Variants in ME2 observed in about 807,000 individuals in gnomAD.
The protein encoded by ME2 is NAD-dependent malic enzyme, mitochondrial.
ME2 carries 60 observed loss-of-function variants against 73.7 expected under a neutral mutation model. The observed-to-expected ratio is 0.81, with a 90% CI of 0.66 to 1.01. ME2 has a LOEUF of 1.01. Ranked by LOEUF, ME2 falls within the 50% of genes least tolerant of loss-of-function variation. The probability of loss-of-function intolerance (pLI) is 0.00; values close to 1 mark genes in which losing one functional copy is unlikely to be tolerated. For synonymous variants in ME2, 199 were observed against 236.9 expected, an observed-to-expected ratio of 0.84 and a Z score of 1.47; for missense variants, 594 against 705.5, an observed-to-expected ratio of 0.84 and a Z score of 1.79.
chr18:50,920,820 C>A, intron 9 of ME2, 62 bp downstream of exon 9: 1 of 1,272,220 alleles, frequency 7.9e-7, no homozygotes, highest in Non-Finnish European at 1.1e-6. Flanking sequence ...AGAAAATGGG[C>A]AGAATATTGA....
At chr18:50,880,499 C>T (rs1916292127) in intron 1 of ME2, among the ~76,000 whole-genome samples, 1 of 152,216 alleles carries the variant, frequency 6.6e-6, no homozygotes, top group African/African-American at 2.4e-5. Flanking sequence ...TAAAAACATA[C>T]ATATAGGCCG....
chr18:50,884,552 T>TG (rs1296002163), intron 1 of ME2, among the ~76,000 whole-genome samples: 3 of 152,188 alleles, frequency 2.0e-5, no homozygotes, highest in Admixed American at 6.5e-5. Flanking sequence ...TTCACCATGT[T>TG]GATCAGGATA....
rs758562749 is a variant in ME2, at chr18:50,947,083, T to C, written c.1654T>C (p.Tyr552His). The C allele has an allele frequency of 1.2e-6, 2 of 1,614,028 alleles. No homozygotes were observed. Among genetic ancestry groups the C allele is most frequent in the Middle Eastern group, 1.7e-4 (1 of 6,054 alleles). The change falls in exon 16 of 16, where the codon TAT becomes CAT. Residue 552 changes from tyrosine (Y) to histidine (H), a missense_variant. Coordinates refer to ENST00000321341, the MANE Select transcript of ME2 (RefSeq NM_002396.5). ...CCCAGAACCTGAAGACAAGGCCAAA[T>C]ATGTTAAAGAAAGAACATGGCGGAG... ...RYPEPEDKAK[Y>H]VKERTWRSEY... is the part of the protein sequence containing the mutation.
intron 13 of ME2, among the ~76,000 whole-genome samples, chr18:50,936,232 G>A (rs1229576054): frequency 6.6e-6 from 1 of 152,070 alleles, no homozygotes; most frequent in Non-Finnish European, 1.5e-5. Context: ...GTTGCTTATG[G>A]GAAATACTTG....
At position 50,920,500 on chromosome 18, in the gene ME2, A is replaced by G. The variant is rs1490553482; in HGVS notation, c.779A>G (p.His260Arg). ...TLIQFEDFGN[H>R]NAFRFLRKYR... ...ATTCAGTTCGAAGACTTTGGAAATC[A>G]TAATGCATTCAGGTTCTTGAGAAAG... The change falls in exon 8 of 16, where the codon CAT (histidine) becomes CGT (arginine). Residue 260 changes from histidine (H) to arginine (R), a missense_variant. Coordinates refer to ENST00000321341, the MANE Select transcript of ME2 (RefSeq NM_002396.5). The G allele has an allele frequency of 1.2e-6, 2 of 1,601,536 alleles. No individual in the cohort carries two copies. The highest frequency in any genetic ancestry group is 1.7e-6 in the Non-Finnish European group (2 of 1,177,398).
In ME2 at chr18:50,950,467, C is replaced by CCTTTTTTTTTTTTTTTTTT. The variant is rs1320031263; in HGVS notation, c.*3283_*3284insCTTTTTTTTTTTTTTTTTT. On this transcript the variant is annotated 3_prime_UTR_variant, in exon 16 of 16. Coordinates refer to ENST00000321341, the MANE Select transcript of ME2 (RefSeq NM_002396.5). ...GCCTGGGGTGGGGCCTCAGATTCTG[C>CCTTTTTTTTTTTTTTTTTT]TTTTTTTTTTTTTTTTTTTTTTTTT... The CCTTTTTTTTTTTTTTTTTT allele has an allele frequency of 1.6e-3, 73 of 45,088 alleles. 7 individuals carry two copies. The highest frequency in any genetic ancestry group is 6.3e-3 in the African/African-American group (71 of 11,298). 2.8% of individuals were successfully genotyped at this position (45,088 alleles called of 1,614,324 possible). A position where few individuals can be genotyped will look rare whatever the true frequency, so the allele number is the denominator to read the frequency against.
At chr18:50,930,344 G>T (rs1161002720) in intron 12 of ME2, among the ~76,000 whole-genome samples, 2 of 152,130 alleles carry the variant, frequency 1.3e-5, no homozygotes, top group African/African-American at 4.8e-5. Flanking sequence ...TAATGGCATA[G>T]AATTTTGACT....
chr18:50,950,045 T>C lies in ME2; in HGVS notation c.*2861T>C, dbSNP rs1255544321. Reference sequence around the variant, plus strand: ...GCAATAGAGAATCTTTTATTTTGAATTGAGAAGAAATTCTGATGATTAGAG... The same window carrying C: ...GCAATAGAGAATCTTTTATTTTGAACTGAGAAGAAATTCTGATGATTAGAG... On this transcript the variant is annotated 3_prime_UTR_variant, in exon 16 of 16. Coordinates refer to ENST00000321341, the MANE Select transcript of ME2 (RefSeq NM_002396.5). 2 of 152,178 alleles carry C rather than the reference T, an allele frequency of 1.3e-5. No individual in the cohort carries two copies. The highest frequency in any genetic ancestry group is 2.9e-5 in the Non-Finnish European group (2 of 68,032). 9.4% of individuals were successfully genotyped at this position (152,178 alleles called of 1,614,324 possible).
intron 1 of ME2, among the ~76,000 whole-genome samples, chr18:50,889,434 G>T (rs566314168): frequency 3.1e-4 from 47 of 152,296 alleles, no homozygotes; most frequent in African/African-American, 1.1e-3. Context: ...TGTCCAGAGA[G>T]GGCATGGAAA....
At chr18:50,910,268 C>CA (rs74176794) in intron 3 of ME2, among the ~76,000 whole-genome samples, 12,434 of 35,480 alleles carry the variant, frequency 0.35, 2,620 homozygotes, top group Non-Finnish European at 0.42. Flanking sequence ...CCTGTTTCTA[C>CA]AAAAAAAAAA....
intron 1 of ME2, among the ~76,000 whole-genome samples, chr18:50,884,102 C>A (rs1916396135): frequency 1.3e-5 from 2 of 151,980 alleles, no homozygotes; most frequent in South Asian, 4.2e-4. Context: ...CCAATTTCGG[C>A]AAAGATTGTT....
chr18:50,920,371 G>T (rs372921465), intron 7 of ME2, 85 bp from the exon 8 acceptor site: 8 of 931,714 alleles, frequency 8.6e-6, no homozygotes, highest in East Asian at 5.4e-5. Context: ...CATTATTTTT[G>T]AATGCTATCA....
At chr18:50,884,223 AAT>A (rs1307218410) in intron 1 of ME2, among the ~76,000 whole-genome samples, 2 of 152,146 alleles carry the variant, frequency 1.3e-5, no homozygotes, top group East Asian at 1.9e-4. Flanking sequence ...TAGTTTGAAT[AAT>A]ATATGTTTTA....
chr18:50,947,388 A>T lies in ME2; in HGVS notation c.*204A>T, dbSNP rs1918111700. On this transcript the variant is annotated 3_prime_UTR_variant, in exon 16 of 16. Transcript: ENST00000321341. ...TTGCCCACCAGCACCCTACAGTCAG[A>T]TAGTTGTGATGCTTTAATTCTAACA... 12 of 548,234 alleles carry T rather than the reference A, an allele frequency of 2.2e-5. No individual in the cohort carries two copies. The highest frequency in any genetic ancestry group is 3.9e-5 in the Non-Finnish European group (12 of 309,098). 34.0% of individuals were successfully genotyped at this position (548,234 alleles called of 1,614,324 possible). A position where few individuals can be genotyped will look rare whatever the true frequency, so the allele number is the denominator to read the frequency against.
intron 9 of ME2, 113 bp downstream of exon 9, chr18:50,920,871 G>A (rs1917409682): frequency 3.6e-6 from 3 of 829,516 alleles, no homozygotes; most frequent in Non-Finnish European, 5.7e-6. Flanking sequence ...TTTTGTTGAG[G>A]TAGAGGATAT....
chr18:50,900,371 T>C (rs1156559589), intron 2 of ME2, among the ~76,000 whole-genome samples: 2 of 151,922 alleles, frequency 1.3e-5, no homozygotes, highest in Non-Finnish European at 2.9e-5. Context: ...CTCGGCTCAC[T>C]GCAAGCTCTG....
intron 2 of ME2, among the ~76,000 whole-genome samples, chr18:50,899,884 G>A (rs1407456730): frequency 1.3e-5 from 2 of 152,208 alleles, no homozygotes; most frequent in Non-Finnish European, 2.9e-5. Flanking sequence ...CAGAGCCTCA[G>A]TACATGCTGG....
chr18:50,913,145 A>G (rs1206809132), intron 4 of ME2, 195 bp downstream of exon 4: 1 of 410,620 alleles, frequency 2.4e-6, no homozygotes, highest in African/African-American at 2.1e-5. Context: ...AAAATAGCAT[A>G]ATTCATTTCT....
At chr18:50,885,022 T>G (rs1916423352) in intron 1 of ME2, among the ~76,000 whole-genome samples, 2 of 152,104 alleles carry the variant, frequency 1.3e-5, no homozygotes, top group South Asian at 2.1e-4. Context: ...ACCCAGCTAA[T>G]TTTTTGTGTT....
Sources: gnomAD v4.1 joint callset for allele counts (sites outside exome capture counted in the v4.1 genomes callset) on GRCh38, gnomAD v4.1.1 for gene constraint, MANE v1.5 for transcripts, NCBI Gene and HGNC (gene_info 2026-07-23, HGNC 2026-07-21) for gene names.